AHRR: variants seen among roughly 807,000 people sequenced by gnomAD.
AHRR encodes the protein ahR repressor.
In AHRR, 28 loss-of-function variants were observed where a neutral mutation model predicts 44.0. The ratio of observed to expected loss-of-function variants is 0.64; its 90% CI spans 0.47 to 0.87. The LOEUF (loss-of-function observed/expected upper bound fraction) is 0.87. Among genes scored for constraint, AHRR ranks in the 40% least tolerant of loss-of-function variants. AHRR has a pLI of 0.00. For missense variants in AHRR, 990 were observed against 953.9 expected, an observed-to-expected ratio of 1.04 and a Z score of -0.50; for synonymous variants, 434 against 407.0, an observed-to-expected ratio of 1.07 and a Z score of -0.80.
Position 388,290 on chromosome 5 carries a change from A to T in AHRR, c.351+11574A>T, listed in dbSNP as rs1734253273. Among the ~76,000 whole-genome samples, 1 of 152,166 alleles carries T rather than the reference A, an allele frequency of 6.6e-6. No homozygotes were observed. The highest frequency in any genetic ancestry group is 2.4e-5 in the African/African-American group (1 of 41,436). Reference sequence around the variant, plus strand: ...CCCCCCGTCCCGAACCCAAGCCCTGAACTGCTGTCGTACACAGGGCTCAGT... The same window carrying T: ...CCCCCCGTCCCGAACCCAAGCCCTGTACTGCTGTCGTACACAGGGCTCAGT... On this transcript the variant is annotated intron_variant, in intron 4 of 10. Coordinates refer to ENST00000684583, the MANE Select transcript of AHRR (RefSeq NM_001377236.1). This position sits in a 1 kb window ranked among gnomAD's most constrained non-coding sequence, Gnocchi z 5.2.
In AHRR at chr5:436,605, A is replaced by AC. The variant is rs1226232994; in HGVS notation, c.*1776dup. The AC allele has an allele frequency of 6.6e-6, 1 of 152,062 alleles. No homozygotes were observed. The highest frequency in any genetic ancestry group is 2.4e-5 in the African/African-American group (1 of 41,280). The allele number at this position is 152,062 out of a possible 1,614,324, so 9.4% of individuals were successfully genotyped here. A position where few individuals can be genotyped will look rare whatever the true frequency, so the allele number is the denominator to read the frequency against. The stretch of plus-strand genomic sequence containing the variant: ...CACAGATCCATCGTGGCCCCCTATG[A>AC]CCCCCAAGCCCTACCGAGGGGGCAC... On this transcript the variant is annotated 3_prime_UTR_variant, in exon 11 of 11. Transcript: ENST00000684583.
At chr5:420,812 C>A (rs1736053713) in intron 5 of AHRR, 1 of 85,514 alleles carries the variant, frequency 1.2e-5, no homozygotes, top group South Asian at 9.7e-5. Flanking sequence ...CACGCAGCCA[C>A]CCACCCACGC....
At chr5:426,792 A>G (rs1736423883) in intron 7 of AHRR, among the ~76,000 whole-genome samples, 1 of 137,602 alleles carries the variant, frequency 7.3e-6, no homozygotes, top group African/African-American at 2.8e-5. Context: ...ATGGATAGGA[A>G]GATGGATGGA....
Position 353,226 on chromosome 5 carries a change from G to C in AHRR, c.63-504G>C, listed in dbSNP as rs141043850. Among the ~76,000 whole-genome samples, 49 of 152,300 alleles carry C rather than the reference G, an allele frequency of 3.2e-4. 1 individual carries two copies. The highest frequency in any genetic ancestry group is 1.2e-3 in the African/African-American group (48 of 41,554). On this transcript the variant is annotated intron_variant, in intron 2 of 10. Transcript: ENST00000684583. ...AGCATGTACAGGAGAAACCAAGCTCGGAGCGGCCTTGGGCACGGCCCGGCT... is the reference window on the plus strand; with the variant it reads ...AGCATGTACAGGAGAAACCAAGCTCCGAGCGGCCTTGGGCACGGCCCGGCT...
Position 438,073 on chromosome 5 carries a change from C to G in AHRR, c.*3239C>G, listed in dbSNP as rs994234690. 1 of 152,274 alleles carries G rather than the reference C, an allele frequency of 6.6e-6. No homozygotes were observed. The allele number at this position is 152,274 out of a possible 1,614,324, so 9.4% of individuals were successfully genotyped here. On this transcript the variant is annotated 3_prime_UTR_variant, in exon 11 of 11. Transcript: ENST00000684583. ...GATGGAAGGGAGGAGATCAATACAA[C>G]TTATATTTTTGCAGTTTCTACTGGA... is the stretch of plus-strand genomic sequence containing the variant.
intron 3 of AHRR, among the ~76,000 whole-genome samples, chr5:355,857 A>G (rs573356835): frequency 1.4e-4 from 21 of 152,248 alleles, no homozygotes; most frequent in Admixed American, 1.4e-3. Flanking sequence ...TCAGGAATAA[A>G]CTTCCTGATT....
chr5:432,080 A>C (rs974354526), intron 8 of AHRR: 6 of 259,360 alleles, frequency 2.3e-5, no homozygotes, highest in South Asian at 1.4e-4. Flanking sequence ...GTTGGTCTCC[A>C]ACTCACCTCA....
Position 377,366 on chromosome 5 carries a change from C to T in AHRR, c.351+650C>T, listed in dbSNP as rs867069924. ...ATTTTGAAGATGAAGGGGGTTGCTG[C>T]CTCCACCAGTGGCTGGAGAGACATG... On this transcript the variant is annotated intron_variant, in intron 4 of 10. Transcript: ENST00000684583. Among the ~76,000 whole-genome samples, 34 of 152,308 alleles carry T rather than the reference C, an allele frequency of 2.2e-4. 1 individual carries two copies. The highest frequency in any genetic ancestry group is 6.8e-3 in the Middle Eastern group (2 of 294).
In AHRR at chr5:383,193, G is replaced by T. The variant is rs1025961373; in HGVS notation, c.351+6477G>T. 2.0e-5 allele frequency among the ~76,000 whole-genome samples: 3 copies of T among 152,186 alleles called. No homozygotes were observed. The highest frequency in any genetic ancestry group is 7.2e-5 in the African/African-American group (3 of 41,450). ...CAATTTTAATATGGTCTGTCTTGAT[G>T]ACTGTTCACTGCACTGGGAAAATAG... On this transcript the variant is annotated intron_variant, in intron 4 of 10. Transcript: ENST00000684583. This position sits in a 1 kb window ranked among gnomAD's most constrained non-coding sequence, Gnocchi z 4.0.
chr5:340,136 A>G (rs1163242961), intron 1 of AHRR, among the ~76,000 whole-genome samples: 2 of 152,192 alleles, frequency 1.3e-5, no homozygotes, highest in African/African-American at 4.8e-5. Flanking sequence ...TTACATTGGT[A>G]GATATACCAG....
intron 3 of AHRR, chr5:368,057 C>T (rs1743429213): frequency 1.6e-6 from 1 of 625,582 alleles, no homozygotes; most frequent in South Asian, 1.8e-5. Context: ...GTTGTAAATT[C>T]ATGGTTACAT....
intron 4 of AHRR, among the ~76,000 whole-genome samples, chr5:381,703 A>G (rs1017541936): frequency 5.9e-5 from 9 of 151,392 alleles, no homozygotes; most frequent in African/African-American, 2.2e-4. Context: ...TTTAGTAGAG[A>G]CGGGGTTTCA....
chr5:367,908 C>T (rs1560894123), intron 3 of AHRR: 2 of 702,520 alleles, frequency 2.8e-6, no homozygotes, highest in East Asian at 5.4e-5. Flanking sequence ...ACACCCAGGC[C>T]CTGAGACGTA....
intron 4 of AHRR, among the ~76,000 whole-genome samples, chr5:399,222 C>T (rs1734906074): frequency 6.6e-6 from 1 of 152,202 alleles, no homozygotes; most frequent in Non-Finnish European, 1.5e-5. Flanking sequence ...ACACCCAGGG[C>T]GTGGGGTCCC....
At chr5:345,382 ATG>A (rs1240492496) in intron 2 of AHRR, among the ~76,000 whole-genome samples, 2 of 14,448 alleles carry the variant, frequency 1.4e-4, no homozygotes, top group Non-Finnish European at 2.2e-4. Flanking sequence ...GTGTGTGGGG[ATG>A]TGTGTGTGTG....
chr5:374,730 T>G (rs1254915472), intron 3 of AHRR, among the ~76,000 whole-genome samples: 2 of 152,210 alleles, frequency 1.3e-5, no homozygotes. Flanking sequence ...CCTCACCTCC[T>G]CACTCGGGCC....
intron 4 of AHRR, among the ~76,000 whole-genome samples, chr5:394,015 G>T (rs1319254925): frequency 2.0e-5 from 3 of 152,206 alleles, no homozygotes; most frequent in Non-Finnish European, 2.9e-5. Context: ...CTCATCTTTG[G>T]TTCTGGACAT....
Position 430,101 on chromosome 5 carries a change from G to A in AHRR, c.908+2095G>A, listed in dbSNP as rs112912487. 5.3e-3 allele frequency among the ~76,000 whole-genome samples: 804 copies of A among 152,190 alleles called. 11 individuals are homozygous for A. The highest frequency in any genetic ancestry group is 0.018 in the African/African-American group (766 of 41,420). On this transcript the variant is annotated intron_variant, in intron 8 of 10. Transcript: ENST00000684583. ...TACTGCTGTACCTGCTGTGGCAGGC[G>A]CGTTGGGGTGATCTTAAGTTGCAGT...
chr5:364,631 A>G (rs1304873153), intron 3 of AHRR, among the ~76,000 whole-genome samples: 1 of 152,156 alleles, frequency 6.6e-6, no homozygotes, highest in Non-Finnish European at 1.5e-5. Context: ...AAAAAGAAAC[A>G]CAAAAGAGGT....
Sources: allele counts gnomAD v4.1 joint callset (sites outside exome capture counted in the v4.1 genomes callset), GRCh38; gene constraint gnomAD v4.1.1; non-coding constraint Gnocchi (gnomAD v3.1); transcripts MANE v1.5; gene names NCBI Gene and HGNC (gene_info 2026-07-23, HGNC 2026-07-21).